The following TTLL11 variants were observed in gnomAD, a reference collection of about 807,000 sequenced individuals.
TTLL11 encodes tubulin polyglutamylase TTLL11.
A neutral mutation model predicts 51.7 loss-of-function variants in TTLL11; 42 were observed. That is an observed-to-expected ratio of 0.81 (90% CI 0.64 to 1.05). TTLL11 has a LOEUF of 1.05. TTLL11 is among the 50% of genes least tolerant of loss of function. The pLI, the probability that TTLL11 is intolerant of heterozygous loss-of-function variation, is 0.00. For missense variants in TTLL11, 799 were observed against 940.4 expected (o/e 0.85, Z 1.97); for synonymous variants, 381 against 383.5 (o/e 0.99, Z 0.08).
chr9:122,007,640 T>C (rs1260626639), intron 3 of TTLL11, among the ~76,000 whole-genome samples: 1 of 152,104 alleles, frequency 6.6e-6, no homozygotes, highest in Non-Finnish European at 1.5e-5. Flanking sequence ...CATGCACACA[T>C]ACATAGATAG....
intron 8 of TTLL11, among the ~76,000 whole-genome samples, chr9:121,841,552 C>T (rs1457232684): frequency 2.6e-5 from 4 of 152,134 alleles, no homozygotes; most frequent in African/African-American, 9.7e-5. Context: ...TGTAAGGTCT[C>T]GTGGAACAGA....
intron 8 of TTLL11, among the ~76,000 whole-genome samples, chr9:121,837,296 T>G (rs780424292): frequency 2.5e-5 from 3 of 120,756 alleles, no homozygotes; most frequent in Non-Finnish European, 5.1e-5. Flanking sequence ...CTCTTTCCAG[T>G]GGAACTTATG....
At chr9:121,921,452 A>T (rs1588126193) in intron 6 of TTLL11, among the ~76,000 whole-genome samples, 1 of 151,976 alleles carries the variant, frequency 6.6e-6, no homozygotes, top group Non-Finnish European at 1.5e-5. Context: ...TTTGTTTTAT[A>T]AAAAAAACTC....
intron 7 of TTLL11, among the ~76,000 whole-genome samples, chr9:121,862,345 C>T (rs1167889590): frequency 6.6e-6 from 1 of 152,148 alleles, no homozygotes; most frequent in Non-Finnish European, 1.5e-5. Flanking sequence ...TTCTTGGGCT[C>T]TAAAATGAAG....
At chr9:121,988,480 C>T (rs1173904667) in intron 4 of TTLL11, among the ~76,000 whole-genome samples, 2 of 152,014 alleles carry the variant, frequency 1.3e-5, no homozygotes, top group Admixed American at 1.3e-4. Flanking sequence ...CAACCTCTTC[C>T]AGTGCCTCCT....
At chr9:121,851,958 C>T (rs1195078486) in intron 8 of TTLL11, among the ~76,000 whole-genome samples, 2 of 152,176 alleles carry the variant, frequency 1.3e-5, no homozygotes, top group African/African-American at 4.8e-5. Flanking sequence ...AATTCTCAGG[C>T]CTGGGAGAAT....
rs1564366650 is a variant in TTLL11 at position 122,031,293 on chromosome 9, G to C, written c.693+430C>G. Reference sequence around the variant, plus strand: ...GCAAAACACTGAAAAGGTTCCCCATGAGTTTGTCAGACCTGCTCCCTGGCC... The same window carrying C: ...GCAAAACACTGAAAAGGTTCCCCATCAGTTTGTCAGACCTGCTCCCTGGCC... On this transcript the variant is annotated intron_variant, in intron 3 of 8. Transcript: ENST00000321582. Among the ~76,000 whole-genome samples, 3 of 152,186 alleles carry C rather than the reference G, an allele frequency of 2.0e-5. No homozygotes were observed. In the South Asian group the frequency reaches 6.2e-4, roughly 31 times the overall value.
In TTLL11 at chr9:121,822,812, T is replaced by C. The variant is rs1460943935; in HGVS notation, c.1908A>G (p.Pro636=). 3 of 1,551,528 alleles carry C rather than the reference T, an allele frequency of 1.9e-6. No homozygotes were observed. Among genetic ancestry groups the C allele is most frequent in the South Asian group, 2.4e-5 (2 of 84,056 alleles). ...TCAGTGAGGCCACCTGCTCATGAAG[T>C]GGCAGCATCTTGAACTTCCTCTGAG... is the stretch of plus-strand genomic sequence containing the variant. The part of the protein sequence containing the change: ...FLAQRKFKML[P]LHEQVASLID... The change falls in exon 9 of 9, where the codon CCA becomes CCG. Residue 636 remains proline, a synonymous_variant. Transcript: ENST00000321582. The surrounding 1 kb of genome is among the most constrained non-coding windows in gnomAD (Gnocchi z 5.8).
At chr9:121,857,198 G>C (rs1368572018) in intron 8 of TTLL11, among the ~76,000 whole-genome samples, 1 of 152,214 alleles carries the variant, frequency 6.6e-6, no homozygotes, top group East Asian at 1.9e-4. Flanking sequence ...AGGTTGGACA[G>C]GCACCCTCTC....
chr9:121,875,125 A>G (rs945259366), intron 6 of TTLL11, among the ~76,000 whole-genome samples: 8 of 152,204 alleles, frequency 5.3e-5, no homozygotes, highest in Non-Finnish European at 1.2e-4. Context: ...TGTTTCAGGC[A>G]TTCACACTGT....
At chr9:122,007,827 A>T (rs1291474777) in intron 3 of TTLL11, among the ~76,000 whole-genome samples, 1 of 152,214 alleles carries the variant, frequency 6.6e-6, no homozygotes, top group African/African-American at 2.4e-5. Flanking sequence ...GTAACAGGAC[A>T]TTACGTAGTC....
chr9:122,051,295 C>T (rs1402562941), intron 1 of TTLL11, among the ~76,000 whole-genome samples: 5 of 152,046 alleles, frequency 3.3e-5, no homozygotes, highest in Non-Finnish European at 5.9e-5. Flanking sequence ...TCCTTCAATT[C>T]GACTAAGGGG....
chr9:121,971,746 G>GAAAAAAAAAAAAAAAAAAAAAAAAAAA (rs768215225), intron 6 of TTLL11, among the ~76,000 whole-genome samples: 3 of 97,874 alleles, frequency 3.1e-5, no homozygotes, highest in African/African-American at 1.1e-4. Flanking sequence ...TCTGCCTTGG[G>GAAAAAAAAAAAAAAAAAAAAAAAAAAA]AAAAAAAAAA....
intron 7 of TTLL11, among the ~76,000 whole-genome samples, chr9:121,865,585 A>G (rs923505685): frequency 6.6e-6 from 1 of 152,230 alleles, no homozygotes; most frequent in Non-Finnish European, 1.5e-5. Flanking sequence ...CCCCCAAATC[A>G]GTAATCCAAT....
At chr9:121,824,454 G>A (rs1326776737) in intron 8 of TTLL11, among the ~76,000 whole-genome samples, 4 of 128,994 alleles carry the variant, frequency 3.1e-5, no homozygotes, top group East Asian at 2.4e-4. Flanking sequence ...CCAGCCTGGC[G>A]ACAGACAGAG....
intron 2 of TTLL11, among the ~76,000 whole-genome samples, chr9:122,033,356 A>AC (rs1844610268): frequency 6.6e-6 from 1 of 151,642 alleles, no homozygotes; most frequent in East Asian, 1.9e-4. Context: ...CAGGTGATCC[A>AC]CCCCCCTCGG....
chr9:121,822,642 G>A lies in TTLL11; in HGVS notation c.2078C>T (p.Pro693Leu), dbSNP rs769902746. The change falls in exon 9 of 9, where the codon CCA (proline) becomes CTA (leucine). Residue 693 changes from proline to leucine, a missense_variant. Physicochemically the swap from Pro to Leu is moderately conservative, Grantham distance 98 (BLOSUM62 -3). Transcript: ENST00000321582. This position sits in a 1 kb window ranked among gnomAD's most constrained non-coding sequence, Gnocchi z 5.8. ...PSAQPAGDNPPPRTSCANKLS... is the reference protein window; with the variant it reads ...PSAQPAGDNPLPRTSCANKLS... ...CTTATTGGCACAGCTGGTGCGGGGT[G>A]GGGGGTTGTCCCCTGCTGGCTGGGC... 25 of 1,515,312 alleles carry A rather than the reference G, an allele frequency of 1.6e-5. No individual in the cohort carries two copies. The highest frequency in any genetic ancestry group is 2.3e-4 in the Middle Eastern group (1 of 4,270). The allele number at this position is 1,515,312 out of a possible 1,614,324, so 93.9% of individuals were successfully genotyped here.
chr9:121,982,132 T>C (rs1304737057), intron 4 of TTLL11, among the ~76,000 whole-genome samples: 1 of 152,194 alleles, frequency 6.6e-6, no homozygotes, highest in Non-Finnish European at 1.5e-5. Context: ...ATGAGGTCAC[T>C]GGATGCTGTT....
At chr9:121,859,042 C>T (rs181322900) in intron 8 of TTLL11, among the ~76,000 whole-genome samples, 1 of 152,336 alleles carries the variant, frequency 6.6e-6, no homozygotes, top group African/African-American at 2.4e-5. Flanking sequence ...TCTGTGTCAC[C>T]TGAGCTGCAG....
Sources: allele counts gnomAD v4.1 joint callset (sites outside exome capture counted in the v4.1 genomes callset), GRCh38; gene constraint gnomAD v4.1.1; non-coding constraint Gnocchi (gnomAD v3.1); transcripts MANE v1.5; gene names NCBI Gene and HGNC (gene_info 2026-07-23, HGNC 2026-07-21).